The following AP5Z1 variants were observed in gnomAD, a reference collection of about 807,000 sequenced individuals.
AP5Z1 encodes the protein AP-5 complex subunit zeta-1.
In AP5Z1, 106 loss-of-function variants were observed where a neutral mutation model predicts 83.0. That is an observed-to-expected ratio of 1.28 (90% CI 1.09 to 1.50). AP5Z1 has a LOEUF of 1.50. AP5Z1 is among the 40% of genes most tolerant of loss of function. The pLI is 0.00. For missense variants in AP5Z1, 1,565 were observed against 1,094.2 expected (o/e 1.43, Z -6.07); for synonymous variants, 751 against 514.1 (o/e 1.46, Z -6.23).
In AP5Z1 at chr7:4,791,362, GA is replaced by G; in HGVS notation, c.2402del (p.Glu801GlyfsTer19). 6.2e-7 allele frequency: 1 copy of G among 1,607,964 alleles called. No individual in the cohort carries two copies. The highest frequency in any genetic ancestry group is 1.1e-5 in the South Asian group (1 of 90,176). On this transcript the variant is annotated frameshift_variant, in exon 17 of 17. Transcript: ENST00000649063. LOFTEE classifies it high-confidence loss of function. ...CACGGTCAGCCGGCTGGTGGAGAGG[GA>G]GGCCGGCCTCATGCCAGGGTGAAGG... ...LRTVSRLVER[E>X]AGLMPG
Position 4,792,686 on chromosome 7 carries a change from G to C in AP5Z1, c.*1301G>C, listed in dbSNP as rs1287680898. 1 of 152,224 alleles carries C rather than the reference G, an allele frequency of 6.6e-6. No homozygotes were observed. Among genetic ancestry groups the C allele is most frequent in the African/African-American group, 2.4e-5 (1 of 41,454 alleles). The allele number at this position is 152,224 out of a possible 1,614,324, so 9.4% of individuals were successfully genotyped here. Reference sequence around the variant, plus strand: ...TGCGATGACAGCCCAGGGCCGCTGAGCCGGGGCCGCAGGAAAGGCTGGCGC... The same window carrying C: ...TGCGATGACAGCCCAGGGCCGCTGACCCGGGGCCGCAGGAAAGGCTGGCGC... On this transcript the variant is annotated 3_prime_UTR_variant, in exon 17 of 17. Coordinates refer to ENST00000649063, the MANE Select transcript of AP5Z1 (RefSeq NM_014855.3).
Position 4,790,897 on chromosome 7 carries a change from C to G in AP5Z1, c.2153+10C>G. On this transcript the variant is annotated intron_variant, in intron 16 of 16. Transcript: ENST00000649063. ...AAGATCTGATCCCCAGGTGCCTGGT[C>G]AGGGAGGGAGCGAAGCCTTCTGGCT... 4 of 1,590,554 alleles carry G rather than the reference C, an allele frequency of 2.5e-6. No homozygotes were observed. The highest frequency in any genetic ancestry group is 1.1e-5 in the South Asian group (1 of 87,348).
chr7:4,780,444 C>T (rs1416907175), intron 1 of AP5Z1, among the ~76,000 whole-genome samples: 2 of 151,832 alleles, frequency 1.3e-5, no homozygotes, highest in African/African-American at 4.8e-5. Flanking sequence ...CATGGTGAAA[C>T]CCCGTCTCTA....
chr7:4,791,674 G>A lies in AP5Z1; in HGVS notation c.*289G>A, dbSNP rs955680031. 3 of 501,434 alleles carry A rather than the reference G, an allele frequency of 6.0e-6. No individual in the cohort carries two copies. The highest frequency in any genetic ancestry group is 3.5e-5 in the Admixed American group (1 of 28,306). The allele number at this position is 501,434 out of a possible 1,614,324, so 31.1% of individuals were successfully genotyped here. ...CCTGTGGCTGGGTCGGGTGGAGGCT[G>A]CTGGGTCTGTTTCCTAGTCTTTTGT... On this transcript the variant is annotated 3_prime_UTR_variant, in exon 17 of 17. Coordinates refer to ENST00000649063, the MANE Select transcript of AP5Z1 (RefSeq NM_014855.3).
intron 6 of AP5Z1, 50 bp from the exon 7 acceptor site, chr7:4,784,858 C>G: frequency 6.3e-7 from 1 of 1,579,288 alleles, no homozygotes; most frequent in East Asian, 2.3e-5. Context: ...CAGGCATGTC[C>G]CAGCCCGGGA....
At position 4,792,257 on chromosome 7, in the gene AP5Z1, GGCGCCGCCGCCCCGAGAGCCTCAC is replaced by G. The variant is rs1341741531; in HGVS notation, c.*875_*898del. The G allele has an allele frequency of 1.3e-5, 2 of 152,252 alleles. No homozygotes were observed. Among genetic ancestry groups the G allele is most frequent in the African/African-American group, 4.8e-5 (2 of 41,402 alleles). 9.4% of individuals were successfully genotyped at this position (152,252 alleles called of 1,614,324 possible). On this transcript the variant is annotated 3_prime_UTR_variant, in exon 17 of 17. Coordinates refer to ENST00000649063, the MANE Select transcript of AP5Z1 (RefSeq NM_014855.3). ...CCTGGGACGGGCTCAGCCGCCAGGGGGCGCCGCCGCCCCGAGAGCCTCACGCCCCGCCCCCAGGCTCAAACTCTT... is the reference window on the plus strand; with the variant it reads ...CCTGGGACGGGCTCAGCCGCCAGGGGGCCCCGCCCCCAGGCTCAAACTCTT...
rs1323730503 is a variant in AP5Z1 at position 4,791,941 on chromosome 7, G to C, written c.*556G>C. Reference sequence around the variant, plus strand: ...GGCAGCGGCGCGAGTTCCCGGGTGTGGTCACCGCTCTGGGTGGTGCGCTTG... The same window carrying C: ...GGCAGCGGCGCGAGTTCCCGGGTGTCGTCACCGCTCTGGGTGGTGCGCTTG... On this transcript the variant is annotated 3_prime_UTR_variant, in exon 17 of 17. Transcript: ENST00000649063. The C allele has an allele frequency of 1.3e-5, 2 of 153,918 alleles. No individual in the cohort carries two copies. Among genetic ancestry groups the C allele is most frequent in the Admixed American group, 1.3e-4 (2 of 15,536 alleles). 9.5% of individuals were successfully genotyped at this position (153,918 alleles called of 1,614,324 possible).
Position 4,794,200 on chromosome 7 carries a change from G to A in AP5Z1, c.*2815G>A, listed in dbSNP as rs548564053. On this transcript the variant is annotated 3_prime_UTR_variant, in exon 17 of 17. Transcript: ENST00000649063. ...GGGACATGGAGAACCTTTGTGTCTA[G>A]CTCAGGGATTGTAAACGCACCAATC... is the stretch of plus-strand genomic sequence containing the variant. The A allele has an allele frequency of 1.3e-5, 2 of 152,316 alleles. No individual in the cohort carries two copies. Among genetic ancestry groups the A allele is most frequent in the Non-Finnish European group, 2.9e-5 (2 of 68,072 alleles). 9.4% of individuals were successfully genotyped at this position (152,316 alleles called of 1,614,324 possible).
chr7:4,786,772 C>T (rs942890341), intron 10 of AP5Z1, among the ~76,000 whole-genome samples: 2 of 149,520 alleles, frequency 1.3e-5, no homozygotes, highest in African/African-American at 4.9e-5. Flanking sequence ...TGCCATTTGC[C>T]TTTTTTTTTT....
intron 1 of AP5Z1, 75 bp downstream of exon 1, chr7:4,775,831 G>T: frequency 6.4e-7 from 1 of 1,558,788 alleles, no homozygotes; most frequent in African/African-American, 1.4e-5. Flanking sequence ...GTCTCACAGG[G>T]CAGGGGCTTG....
At position 4,785,594 on chromosome 7, in the gene AP5Z1, T is replaced by TCCTG. The variant is rs1467153446; in HGVS notation, c.1047_1050dup (p.Lys351ProfsTer60). The TCCTG allele has an allele frequency of 1.9e-6, 3 of 1,601,240 alleles. No individual in the cohort carries two copies. The African/African-American group carries it at 4.0e-5, about 21-fold the overall frequency. On this transcript the variant is annotated frameshift_variant, in exon 9 of 17. Transcript: ENST00000649063. LOFTEE classifies it high-confidence loss of function. ...CCCGTCCTTCCTGTACCGAAGTCTC[T>TCCTG]CCTGCCTGAAGGCCCTGCACGGGCG...
At position 4,783,347 on chromosome 7, in the gene AP5Z1, G is replaced by A; in HGVS notation, c.398G>A (p.Gly133Asp). The A allele has an allele frequency of 6.2e-7, 1 of 1,612,592 alleles. No individual in the cohort carries two copies. The highest frequency in any genetic ancestry group is 8.5e-7 in the Non-Finnish European group (1 of 1,179,600). Residue 133 changes from glycine (G) to aspartate (D), a missense_variant, in exon 4 of 17, where the codon GGC becomes GAC. Physicochemically the swap from Gly to Asp is moderately conservative, Grantham distance 94. Coordinates refer to ENST00000649063, the MANE Select transcript of AP5Z1 (RefSeq NM_014855.3). The stretch of plus-strand genomic sequence containing the variant: ...AGAAACGAGGAGGTCAGAGCCGTGG[G>A]CCAGGGCGTGCTACGAGCGCTGGAG... Reference protein sequence around the residue: ...GDRNEEVRAVGQGVLRALESR... With the variant: ...GDRNEEVRAVDQGVLRALESR...
At chr7:4,788,072 C>G in intron 11 of AP5Z1, 82 bp from the exon 12 acceptor site, 2 of 1,448,656 alleles carry the variant, frequency 1.4e-6, no homozygotes, top group Non-Finnish European at 1.8e-6. Context: ...ATTAGGGACA[C>G]CTGCCGTGTG....
At chr7:4,788,972 C>G in intron 13 of AP5Z1, 21 bp downstream of exon 13, 1 of 1,598,764 alleles carries the variant, frequency 6.3e-7, no homozygotes, top group Non-Finnish European at 8.5e-7. Context: ...TGCCTGGGGC[C>G]CCCCATTCCC....
rs113569690 is a variant in AP5Z1, at chr7:4,786,469, T to TA, written c.1311+43dup. On this transcript the variant is annotated intron_variant, in intron 10 of 16. Transcript: ENST00000649063. ...CCTGGGTGCCAGGGCAGGGGCATGG[T>TA]AAGTCCCTGGGGCTCCTCCCCTCTT... 32,489 of 1,606,062 alleles carry TA rather than the reference T, an allele frequency of 0.02. 2,968 individuals are homozygous for TA. In the African/African-American group the frequency reaches 0.28, roughly 14 times the overall value.
At chr7:4,788,717 G>C (rs1325598561) in intron 12 of AP5Z1, 123 bp from the exon 13 acceptor site, 1 of 844,326 alleles carries the variant, frequency 1.2e-6, no homozygotes, top group African/African-American at 1.7e-5. Flanking sequence ...GAGGTCCCGA[G>C]AGGCGATGAG....
rs369716428 is a variant in AP5Z1, at chr7:4,790,837, G to A, written c.2103G>A (p.Leu701=). ...PRCPPQVVTV[L]MTTLTKLASR... ...GTCCCCCCCAGGTGGTCACCGTGCTGATGACCACGCTGACGAAGCTGGCCT... is the reference window on the plus strand; with the variant it reads ...GTCCCCCCCAGGTGGTCACCGTGCTAATGACCACGCTGACGAAGCTGGCCT... Residue 701 remains leucine (L), a synonymous_variant, in exon 16 of 17, where the codon CTG becomes CTA. Transcript: ENST00000649063. 1 of 1,609,330 alleles carries A rather than the reference G, an allele frequency of 6.2e-7. No individual in the cohort carries two copies. The highest frequency in any genetic ancestry group is 1.7e-5 in the Admixed American group (1 of 59,640).
rs1185528477 is a variant in AP5Z1, at chr7:4,783,382, C to A, written c.433C>A (p.Pro145Thr). 6.2e-7 allele frequency: 1 copy of A among 1,613,154 alleles called. No individual in the cohort carries two copies. The change falls in exon 4 of 17, where the codon CCT (proline) becomes ACT (threonine). Residue 145 changes from proline to threonine, a missense_variant. Transcript: ENST00000649063. ...GVLRALESRQ[P>T]EGPSLRHLLP... ...GCTACGAGCGCTGGAGAGCCGGCAG[C>A]CTGAGGGACCCAGCCTCAGACACCT...
At position 4,787,628 on chromosome 7, in the gene AP5Z1, C is replaced by G; in HGVS notation, c.1312-6C>G. Reference sequence around the variant, plus strand: ...CCGTGTCCGAACCGCTGTGCTGTGCCCACAGTTCCTGGCCTGGAACAGCCC... The same window carrying G: ...CCGTGTCCGAACCGCTGTGCTGTGCGCACAGTTCCTGGCCTGGAACAGCCC... On this transcript the variant is annotated splice_polypyrimidine_tract_variant and splice_region_variant and intron_variant, in intron 10 of 16. Coordinates refer to ENST00000649063, the MANE Select transcript of AP5Z1 (RefSeq NM_014855.3). 9 of 1,550,614 alleles carry G rather than the reference C, an allele frequency of 5.8e-6. No homozygotes were observed. The highest frequency in any genetic ancestry group is 7.8e-6 in the Non-Finnish European group (9 of 1,147,870).
Sources: allele counts gnomAD v4.1 joint callset (sites outside exome capture counted in the v4.1 genomes callset), GRCh38; gene constraint gnomAD v4.1.1; transcripts MANE v1.5; gene names NCBI Gene and HGNC (gene_info 2026-07-23, HGNC 2026-07-21).